ADAMTS20: variants seen among roughly 807,000 people sequenced by gnomAD.
The protein encoded by ADAMTS20 is ADAM metallopeptidase with thrombospondin type 1 motif 20.
A neutral mutation model predicts 260.1 loss-of-function variants in ADAMTS20; 225 were observed. The ratio of observed to expected loss-of-function variants is 0.87; its 90% CI spans 0.78 to 0.97. The LOEUF is 0.97. Among genes scored for constraint, ADAMTS20 ranks in the 50% least tolerant of loss-of-function variants. The probability of loss-of-function intolerance (pLI) is 0.00; values close to 1 mark genes in which losing one functional copy is unlikely to be tolerated. For missense variants in ADAMTS20, 2,400 were observed against 2,337.7 expected (o/e 1.03, Z -0.55); for synonymous variants, 802 against 769.5 (o/e 1.04, Z -0.70).
intron 31 of ADAMTS20, among the ~76,000 whole-genome samples, chr12:43,380,441 T>C (rs1340784166): frequency 1.3e-5 from 2 of 152,060 alleles, no homozygotes; most frequent in Non-Finnish European, 2.9e-5. Flanking sequence ...GACAGGGAAA[T>C]TGGACAAGGA....
intron 7 of ADAMTS20, among the ~76,000 whole-genome samples, chr12:43,486,192 AGTAACCAAAAC>A (rs535512173): frequency 6.6e-6 from 1 of 152,198 alleles, no homozygotes; most frequent in Non-Finnish European, 1.5e-5. Flanking sequence ...ACAAGGCTAT[AGTAACCAAAAC>A]GGTATGGTAC....
intron 22 of ADAMTS20, among the ~76,000 whole-genome samples, chr12:43,430,891 C>T (rs1236252994): frequency 1.3e-5 from 2 of 152,186 alleles, no homozygotes; most frequent in East Asian, 1.9e-4. Context: ...GAGAAGGCTT[C>T]CTGTCAACTG....
At chr12:43,437,774 A>T (rs1941584537) in intron 18 of ADAMTS20, among the ~76,000 whole-genome samples, 1 of 152,200 alleles carries the variant, frequency 6.6e-6, no homozygotes, top group South Asian at 2.1e-4. Flanking sequence ...AGGGAATCTA[A>T]CACAGAATAC....
chr12:43,431,275 T>G, intron 22 of ADAMTS20, 57 bp downstream of exon 22: 1 of 1,546,114 alleles, frequency 6.5e-7, no homozygotes, highest in African/African-American at 1.4e-5. Context: ...ATAACACAAC[T>G]TTTGTGCTAT....
At chr12:43,510,164 G>C (rs1380575777) in intron 3 of ADAMTS20, among the ~76,000 whole-genome samples, 1 of 151,976 alleles carries the variant, frequency 6.6e-6, no homozygotes, top group Non-Finnish European at 1.5e-5. Flanking sequence ...AAATATAAAT[G>C]GTGTGTGTAG....
intron 28 of ADAMTS20, among the ~76,000 whole-genome samples, chr12:43,415,880 T>A (rs11182055): frequency 6.6e-6 from 1 of 151,988 alleles, no homozygotes; most frequent in Non-Finnish European, 1.5e-5. Flanking sequence ...TAATACAAAA[T>A]CTTGTTATGC....
intron 29 of ADAMTS20, among the ~76,000 whole-genome samples, chr12:43,397,647 CAAGTT>C (rs1047493728): frequency 1.3e-5 from 2 of 152,090 alleles, no homozygotes; most frequent in East Asian, 1.9e-4. Context: ...CAAAATAAAA[CAAGTT>C]AATAGAGAAA....
intron 18 of ADAMTS20, among the ~76,000 whole-genome samples, chr12:43,434,757 A>G (rs1234682028): frequency 6.6e-6 from 1 of 152,168 alleles, no homozygotes; most frequent in Non-Finnish European, 1.5e-5. Flanking sequence ...TTCCCATAAG[A>G]GGATTGCACA....
chr12:43,551,995 C>G lies in ADAMTS20; in HGVS notation c.-74G>C. ...CAGCCAAGCCGGCTTCCCTCGCGCT[C>G]CGATCCCTCTCCTCCCTCTCGCCCG... is the stretch of plus-strand genomic sequence containing the variant. On this transcript the variant is annotated 5_prime_UTR_variant, in exon 1 of 39. Transcript: ENST00000389420. This position sits in a 1 kb window ranked among gnomAD's most constrained non-coding sequence, Gnocchi z 4.6. The G allele has an allele frequency of 1.6e-6, 2 of 1,276,564 alleles. No homozygotes were observed. Among genetic ancestry groups the G allele is most frequent in the South Asian group, 2.4e-5 (2 of 83,386 alleles). 79.1% of individuals were successfully genotyped at this position (1,276,564 alleles called of 1,614,324 possible).
intron 3 of ADAMTS20, among the ~76,000 whole-genome samples, chr12:43,517,695 T>G (rs1943017998): frequency 1.3e-5 from 2 of 152,066 alleles, no homozygotes; most frequent in African/African-American, 2.4e-5. Flanking sequence ...AAACTCTGTA[T>G]GTAAAATTTA....
chr12:43,504,276 T>A (rs1375810334), intron 3 of ADAMTS20, among the ~76,000 whole-genome samples: 2 of 152,198 alleles, frequency 1.3e-5, no homozygotes, highest in African/African-American at 4.8e-5. Context: ...AGATGGTATC[T>A]CATCATGGTT....
At chr12:43,468,426 T>C (rs1366450846) in intron 8 of ADAMTS20, among the ~76,000 whole-genome samples, 174 bp downstream of exon 8, 2 of 152,218 alleles carry the variant, frequency 1.3e-5, no homozygotes, top group Non-Finnish European at 2.9e-5. Flanking sequence ...GCAGCCTGTC[T>C]GACCTAACAT....
At chr12:43,357,239 A>G (rs568901276) in intron 37 of ADAMTS20, among the ~76,000 whole-genome samples, 2 of 152,328 alleles carry the variant, frequency 1.3e-5, no homozygotes, top group African/African-American at 4.8e-5. Flanking sequence ...TACAGTACAG[A>G]TTTAAACATT....
At chr12:43,514,422 T>G (rs193111866) in intron 3 of ADAMTS20, among the ~76,000 whole-genome samples, 1 of 150,884 alleles carries the variant, frequency 6.6e-6, no homozygotes, top group Non-Finnish European at 1.5e-5. Context: ...ATCAGTTGGG[T>G]GTAGTGGCGC....
chr12:43,428,855 C>G, intron 24 of ADAMTS20, 56 bp from the exon 25 acceptor site: 1 of 1,442,528 alleles, frequency 6.9e-7, no homozygotes. Flanking sequence ...TCACCCATGT[C>G]CCTTTTACAT....
chr12:43,443,747 G>T (rs1324015652), intron 16 of ADAMTS20, 44 bp downstream of exon 16: 4 of 1,457,184 alleles, frequency 2.7e-6, no homozygotes, highest in Non-Finnish European at 3.8e-6. Flanking sequence ...CCATGAAATT[G>T]CACATAAGCC....
chr12:43,488,902 T>A (rs1001641237), intron 7 of ADAMTS20, among the ~76,000 whole-genome samples: 2 of 152,160 alleles, frequency 1.3e-5, no homozygotes, highest in African/African-American at 4.8e-5. Context: ...GTAATTACTA[T>A]ATTGTGTTGC....
intron 5 of ADAMTS20, 112 bp from the exon 6 acceptor site, chr12:43,492,741 A>C: frequency 8.4e-7 from 1 of 1,193,680 alleles, no homozygotes; most frequent in Non-Finnish European, 1.2e-6. Context: ...AGGTGAATGA[A>C]GGAGTGACAG....
At chr12:43,429,810 T>G (rs941299077) in intron 23 of ADAMTS20, 86 bp from the exon 24 acceptor site, 9 of 838,742 alleles carry the variant, frequency 1.1e-5, no homozygotes, top group Non-Finnish European at 1.6e-5. Context: ...TCTGTATGTC[T>G]CAAGAACCGT....
Sources: allele counts gnomAD v4.1 joint callset (sites outside exome capture counted in the v4.1 genomes callset), GRCh38; gene constraint gnomAD v4.1.1; non-coding constraint Gnocchi (gnomAD v3.1); transcripts MANE v1.5; gene names NCBI Gene and HGNC (gene_info 2026-07-23, HGNC 2026-07-21).